Variants in CELF2 observed in about 807,000 individuals in gnomAD.
CELF2 encodes the protein CUGBP Elav-like family member 2.
Under a neutral mutation model 62.6 loss-of-function variants are expected in CELF2, and 8 were observed. That is an observed-to-expected ratio of 0.13 (90% CI 0.07 to 0.23). The LOEUF (loss-of-function observed/expected upper bound fraction) is 0.23. Ranked by LOEUF, CELF2 falls within the 10% of genes least tolerant of loss-of-function variation. The probability of loss-of-function intolerance (pLI) is 1.00; values close to 1 mark genes in which losing one functional copy is unlikely to be tolerated. For synonymous variants in CELF2, 258 were observed against 250.0 expected (o/e 1.03, Z -0.30); for missense variants, 333 against 671.0 (o/e 0.50, Z 5.56).
the CELF2 span, among the ~76,000 whole-genome samples, chr10:10,547,688 AGAGAGTGT>A: frequency 7.4e-6 from 1 of 134,812 alleles, no homozygotes; most frequent in Non-Finnish European, 1.6e-5. Flanking sequence ...AGAGAGAGAG[AGAGAGTGT>A]GTGTGTGTGT....
rs185975719 is a variant in CELF2, at chr10:10,869,990, A to T, written c.54-49974A>T. 5.0e-4 allele frequency among the ~76,000 whole-genome samples: 76 copies of T among 152,318 alleles called. 1 individual carries two copies. The South Asian group carries it at 0.015, about 30-fold the overall frequency. On this transcript the variant is annotated intron_variant, in intron 1 of 13. Coordinates refer to the CELF2 transcript ENST00000636488. ...ATTTTAAATGGTTTATTATATTGCC[A>T]TTGAGATTACCTATATCTTATATTA...
the CELF2 span, among the ~76,000 whole-genome samples, chr10:10,476,861 T>C: frequency 1.6e-3 from 237 of 152,266 alleles, no homozygotes; most frequent in Non-Finnish European, 2.3e-3. Flanking sequence ...CCTTTAATGT[T>C]TAGCTTCAAG....
At chr10:10,563,009 C>G in the CELF2 span, among the ~76,000 whole-genome samples, 1 of 152,100 alleles carries the variant, frequency 6.6e-6, no homozygotes, top group Non-Finnish European at 1.5e-5. Context: ...TCCCCACCTT[C>G]TCTTTTCTTT....
chr10:10,659,978 G>T, the CELF2 span, among the ~76,000 whole-genome samples: 8 of 152,196 alleles, frequency 5.3e-5, no homozygotes, highest in African/African-American at 1.9e-4. Flanking sequence ...AAAGCAGAGA[G>T]TAAGTAGGAG....
chr10:11,068,857 G>A (rs1304278534), intron 1 of CELF2, among the ~76,000 whole-genome samples: 1 of 152,156 alleles, frequency 6.6e-6, no homozygotes, highest in East Asian at 1.9e-4. Flanking sequence ...ACCGCACCCG[G>A]CCTCATTATT....
intron 2 of CELF2, among the ~76,000 whole-genome samples, chr10:11,167,858 C>CA: frequency 6.6e-6 from 1 of 152,256 alleles, no homozygotes; most frequent in African/African-American, 2.4e-5. Flanking sequence ...TGGTGGTAGT[C>CA]ACATTTTACA....
chr10:10,692,013 T>C, the CELF2 span, among the ~76,000 whole-genome samples: 1 of 151,796 alleles, frequency 6.6e-6, no homozygotes, highest in African/African-American at 2.4e-5. Flanking sequence ...TTTAGTTTAA[T>C]GAGATCCCAT....
chr10:10,531,875 G>T, the CELF2 span, among the ~76,000 whole-genome samples: 1 of 152,192 alleles, frequency 6.6e-6, no homozygotes, highest in Non-Finnish European at 1.5e-5. Context: ...AGGAGCAAAT[G>T]GTGTTGGGAA....
rs1001094956 is a variant in CELF2 at position 11,039,413 on chromosome 10, T to G, written c.74+21250T>G. Among the ~76,000 whole-genome samples the G allele has an allele frequency of 6.6e-6, 1 of 152,202 alleles. No homozygotes were observed. Among genetic ancestry groups the G allele is most frequent in the African/African-American group, 2.4e-5 (1 of 41,448 alleles). ...TACTTTTTGGACTATTCCTCCAACCTACTTCTTATGCTGGTTGTGTGAATT... is the reference window on the plus strand; with the variant it reads ...TACTTTTTGGACTATTCCTCCAACCGACTTCTTATGCTGGTTGTGTGAATT... On this transcript the variant is annotated intron_variant, in intron 1 of 12. Transcript: ENST00000633077. The surrounding 1 kb of genome is among the most constrained non-coding windows in gnomAD (Gnocchi z 4.1).
At chr10:11,256,411 C>G (rs2078749222) in intron 4 of CELF2, among the ~76,000 whole-genome samples, 1 of 152,144 alleles carries the variant, frequency 6.6e-6, no homozygotes, top group Non-Finnish European at 1.5e-5. Context: ...GAGACACTTC[C>G]TGTCCGGGGT....
the CELF2 span, among the ~76,000 whole-genome samples, chr10:10,533,111 A>G: frequency 6.6e-6 from 1 of 152,250 alleles, no homozygotes; most frequent in African/African-American, 2.4e-5. Flanking sequence ...GTTCAAAACC[A>G]TGACAACTTA....
intron 1 of CELF2, among the ~76,000 whole-genome samples, chr10:11,150,533 T>C (rs1263690552): frequency 6.6e-6 from 1 of 152,242 alleles, no homozygotes; most frequent in Non-Finnish European, 1.5e-5. Flanking sequence ...AAGATACTTT[T>C]GACACCATTC....
chr10:10,921,397 T>G (rs2064896137), intron 2 of CELF2, among the ~76,000 whole-genome samples: 1 of 152,144 alleles, frequency 6.6e-6, no homozygotes, highest in African/African-American at 2.4e-5. Flanking sequence ...GCCTCCTGAG[T>G]AGCTGGGATT....
chr10:11,077,921 T>C (rs1374280142), intron 1 of CELF2, among the ~76,000 whole-genome samples: 2 of 152,168 alleles, frequency 1.3e-5, no homozygotes, highest in African/African-American at 4.8e-5. Flanking sequence ...CAGTAACACC[T>C]GTAAAAGCAT....
the CELF2 span, among the ~76,000 whole-genome samples, chr10:10,712,628 A>T: frequency 6.6e-6 from 1 of 152,148 alleles, no homozygotes; most frequent in Non-Finnish European, 1.5e-5. Flanking sequence ...TCAGACATCC[A>T]ACTCCTACCT....
intron 2 of CELF2, among the ~76,000 whole-genome samples, chr10:10,969,400 A>G (rs2050509112): frequency 6.6e-6 from 1 of 152,248 alleles, no homozygotes; most frequent in African/African-American, 2.4e-5. Flanking sequence ...GGCTTCCAGT[A>G]GATGGAGAAG....
At chr10:10,897,805 A>G (rs1397337145) in intron 1 of CELF2, among the ~76,000 whole-genome samples, 1 of 152,240 alleles carries the variant, frequency 6.6e-6, no homozygotes, top group Admixed American at 6.5e-5. Flanking sequence ...ATGAAATGAA[A>G]GAAGGCAGTT....
chr10:11,192,885 A>G (rs1159914119), intron 2 of CELF2, among the ~76,000 whole-genome samples: 6 of 152,194 alleles, frequency 3.9e-5, no homozygotes, highest in Non-Finnish European at 7.3e-5. Context: ...AGGTGATTCT[A>G]ACGTGCAGCC....
chr10:10,881,189 A>G (rs933347573), intron 1 of CELF2, among the ~76,000 whole-genome samples: 7 of 152,136 alleles, frequency 4.6e-5, no homozygotes, highest in African/African-American at 1.7e-4. Flanking sequence ...TGCTATGCGT[A>G]AGTTCTTGCT....
Sources: allele counts gnomAD v4.1 joint callset (sites outside exome capture counted in the v4.1 genomes callset), GRCh38; gene constraint gnomAD v4.1.1; non-coding constraint Gnocchi (gnomAD v3.1); transcripts MANE v1.5; gene names NCBI Gene and HGNC (gene_info 2026-07-23, HGNC 2026-07-21).